Variants in ASPM observed in about 807,000 individuals in gnomAD.
ASPM encodes assembly factor for spindle microtubules, also known as abnormal spindle-like microcephaly-associated protein.
ASPM carries 256 observed loss-of-function variants against 366.4 expected under a neutral mutation model. The observed-to-expected ratio is 0.70, with a 90% CI of 0.63 to 0.77. The LOEUF (loss-of-function observed/expected upper bound fraction) is 0.77. Among genes scored for constraint, ASPM ranks in the 30% least tolerant of loss-of-function variants. The pLI, the probability that ASPM is intolerant of heterozygous loss-of-function variation, is 0.00. For missense variants in ASPM, 4,146 were observed against 4,090.4 expected, an observed-to-expected ratio of 1.01 and a Z score of -0.37; for synonymous variants, 1,414 against 1,342.9, an observed-to-expected ratio of 1.05 and a Z score of -1.16.
At chr1:197,122,940 G>A (rs117545277) in intron 13 of ASPM, among the ~76,000 whole-genome samples, 10 of 152,156 alleles carry the variant, frequency 6.6e-5, no homozygotes, top group East Asian at 3.9e-4. Flanking sequence ...GTGGATTCTC[G>A]TTATTTGTGA....
In ASPM at chr1:197,129,269, A is replaced by C. The variant is rs1658188055; in HGVS notation, c.2678T>G (p.Leu893Trp). Reference sequence around the variant, plus strand: ...TTTAGCATAATCAAGAAAACAGACCAACAACAATAACTTTTTCAATGTAAA... The same window carrying C: ...TTTAGCATAATCAAGAAAACAGACCCACAACAATAACTTTTTCAATGTAAA... ...SKFTLKKLLL[L>W]VCFLDYAKIS... The change falls in exon 9 of 28, where the codon TTG becomes TGG. Residue 893 changes from leucine to tryptophan, a missense_variant. Around this residue, in one of 3 missense-constraint regions of ASPM, gnomAD observed 3,624 missense variants for 3,591.7 expected, o/e 1.01. Coordinates refer to ENST00000367409, the MANE Select transcript of ASPM (RefSeq NM_018136.5). The C allele has an allele frequency of 6.2e-7, 1 of 1,612,992 alleles. No individual in the cohort carries two copies. Among genetic ancestry groups the C allele is most frequent in the East Asian group, 2.2e-5 (1 of 44,738 alleles).
chr1:197,100,785 T>C lies in ASPM; in HGVS notation c.8466A>G (p.Gln2822=). ...HSQSRAAVTI[Q]KAFCRMVTRK... ...TTGTGACCATTCTACAAAAAGCTTTTTGAATTGTTACTGCAGCCCTACTTT... is the reference window on the plus strand; with the variant it reads ...TTGTGACCATTCTACAAAAAGCTTTCTGAATTGTTACTGCAGCCCTACTTT... Residue 2822 remains glutamine, a synonymous_variant, in exon 18 of 28, where the codon CAA becomes CAG. Transcript: ENST00000367409. The C allele has an allele frequency of 6.2e-7, 1 of 1,612,562 alleles. No homozygotes were observed. The highest frequency in any genetic ancestry group is 1.1e-5 in the South Asian group (1 of 91,068).
Position 197,101,870 on chromosome 1 carries a change from C to T in ASPM, c.7381G>A (p.Ala2461Thr). 2 of 1,612,806 alleles carry T rather than the reference C, an allele frequency of 1.2e-6. No individual in the cohort carries two copies. Among genetic ancestry groups the T allele is most frequent in the Non-Finnish European group, 1.7e-6 (2 of 1,179,318 alleles). The change falls in exon 18 of 28, where the codon GCC (alanine) becomes ACC (threonine). Residue 2461 changes from alanine (A) to threonine (T), a missense_variant. Coordinates refer to ENST00000367409, the MANE Select transcript of ASPM (RefSeq NM_018136.5). ...CTGTAAGATGACTGTATTGTAATGG[C>T]TGCCTTTCTTAAGTGCAAGAATTGG... ...LYQFLHLRKA[A>T]ITIQSSYRRL...
chr1:197,119,309 C>T (rs147431720), intron 16 of ASPM, among the ~76,000 whole-genome samples: 2 of 152,156 alleles, frequency 1.3e-5, no homozygotes, highest in African/African-American at 4.8e-5. Context: ...ACTGTAGAGG[C>T]TCAAGTTAAA....
Position 197,117,900 on chromosome 1 carries a change from T to C in ASPM, c.3954A>G (p.Ala1318=). ...GCCAATATTTCTGAATGACGAGTGC[T>C]GCATTAACTCTTTTTCTCAATCTTT... ...AKQRLRKRVN[A]ALVIQKYWRR... is the part of the protein sequence containing the mutation. The change falls in exon 17 of 28, where the codon GCA becomes GCG. Residue 1318 remains alanine, a synonymous_variant. Coordinates refer to ENST00000367409, the MANE Select transcript of ASPM (RefSeq NM_018136.5). 6.2e-7 allele frequency: 1 copy of C among 1,613,474 alleles called. No individual in the cohort carries two copies. Among genetic ancestry groups the C allele is most frequent in the Non-Finnish European group, 8.5e-7 (1 of 1,179,510 alleles).
intron 6 of ASPM, among the ~76,000 whole-genome samples, chr1:197,133,007 A>G (rs916164051): frequency 6.6e-6 from 1 of 152,082 alleles, no homozygotes; most frequent in Non-Finnish European, 1.5e-5. Flanking sequence ...AAGGAGTATA[A>G]AGTCTCAGTT....
At chr1:197,117,288 G>A (rs1248180407) in intron 17 of ASPM, among the ~76,000 whole-genome samples, 9 of 151,910 alleles carry the variant, frequency 5.9e-5, no homozygotes, top group South Asian at 2.1e-4. Flanking sequence ...TTACATAGAT[G>A]TAAAGACTAT....
At chr1:197,118,919 C>T (rs117836331) in intron 16 of ASPM, among the ~76,000 whole-genome samples, 1 of 152,224 alleles carries the variant, frequency 6.6e-6, no homozygotes, top group East Asian at 1.9e-4. Flanking sequence ...GAAGGAATAA[C>T]TTATGGCAGG....
Position 197,101,758 on chromosome 1 carries a change from A to G in ASPM, c.7493T>C (p.Ile2498Thr), listed in dbSNP as rs772861237. ...AGCATGTTTCCAAGTCTGAAATGTA[A>G]TATATGTTCTGTACATCCTGAAAGT... ...QATFRMYRTY[I>T]TFQTWKHASI... is the part of the protein sequence containing the mutation. Residue 2498 changes from isoleucine to threonine, a missense_variant, in exon 18 of 28, where the codon ATT becomes ACT. By Grantham distance (89) the Ile-to-Thr change is moderately conservative. Coordinates refer to ENST00000367409, the MANE Select transcript of ASPM (RefSeq NM_018136.5). 6.2e-7 allele frequency: 1 copy of G among 1,612,326 alleles called. No individual in the cohort carries two copies. The highest frequency in any genetic ancestry group is 1.1e-5 in the South Asian group (1 of 91,042).
chr1:197,084,942 T>C (rs1471382551), intron 27 of ASPM, among the ~76,000 whole-genome samples: 1 of 152,186 alleles, frequency 6.6e-6, no homozygotes, highest in Non-Finnish European at 1.5e-5. Context: ...GATTCATCCA[T>C]GTCATATGCT....
intron 7 of ASPM, among the ~76,000 whole-genome samples, chr1:197,132,055 T>C (rs1658270729): frequency 6.6e-6 from 1 of 152,188 alleles, no homozygotes; most frequent in African/African-American, 2.4e-5. Context: ...AAAGAGACTG[T>C]ACAGTAAAAT....
At chr1:197,100,396 TCA>T in intron 18 of ASPM, 33 bp downstream of exon 18, 9 of 1,319,104 alleles carry the variant, frequency 6.8e-6, no homozygotes, top group Non-Finnish European at 9.3e-6. Flanking sequence ...AAAGAAAGAC[TCA>T]CAGTTTTATA....
At chr1:197,133,312 T>C (rs1319456632) in intron 6 of ASPM, 38 bp downstream of exon 6, 6 of 1,578,244 alleles carry the variant, frequency 3.8e-6, no homozygotes, top group Non-Finnish European at 4.3e-6. Flanking sequence ...TTGAATGTTT[T>C]TAAAGAATTA....
chr1:197,133,670 G>A (rs1390415140), intron 5 of ASPM, 75 bp from the exon 6 acceptor site: 1 of 1,527,750 alleles, frequency 6.5e-7, no homozygotes, highest in African/African-American at 1.4e-5. Context: ...GCAATAAAAT[G>A]CAATTTCAGA....
At chr1:197,092,825 G>T (rs1266329367) in intron 21 of ASPM, among the ~76,000 whole-genome samples, 1 of 151,834 alleles carries the variant, frequency 6.6e-6, no homozygotes, top group East Asian at 1.9e-4. Flanking sequence ...ATTTTATTTT[G>T]CGTCTTTGGT....
At position 197,103,429 on chromosome 1, in the gene ASPM, C is replaced by T. The variant is rs1657274315; in HGVS notation, c.5822G>A (p.Cys1941Tyr). ...FRAWTAGRKQ[C>Y]MEYIELRHAV... The stretch of plus-strand genomic sequence containing the variant: ...ATGACGGAGTTCAATATACTCCATA[C>T]ATTGCTTCCTTCCTGCAGTCCATGC... The change falls in exon 18 of 28, where the codon TGT becomes TAT. Residue 1941 changes from cysteine (C) to tyrosine (Y), a missense_variant. By Grantham distance (194) the Cys-to-Tyr change is radical. Coordinates refer to ENST00000367409, the MANE Select transcript of ASPM (RefSeq NM_018136.5). 6.2e-7 allele frequency: 1 copy of T among 1,613,178 alleles called. No individual in the cohort carries two copies. Among genetic ancestry groups the T allele is most frequent in the African/African-American group, 1.3e-5 (1 of 74,822 alleles).
At chr1:197,086,748 TTAAA>T in intron 27 of ASPM, 51 bp downstream of exon 27, 1 of 1,426,210 alleles carries the variant, frequency 7.0e-7, no homozygotes, top group Admixed American at 1.7e-5. Context: ...TAAATATTTG[TTAAA>T]TGAATGAATG....
In ASPM at chr1:197,101,152, C is replaced by A. The variant is rs757182094; in HGVS notation, c.8099G>T (p.Arg2700Leu). Residue 2700 changes from arginine (R) to leucine (L), a missense_variant, in exon 18 of 28, where the codon CGA (arginine) becomes CTA (leucine). By Grantham distance (102) the Arg-to-Leu change is moderately radical (BLOSUM62 -2). Coordinates refer to ENST00000367409, the MANE Select transcript of ASPM (RefSeq NM_018136.5). ...RAATLIQSFY[R>L]MHRAKVDYET... The stretch of plus-strand genomic sequence containing the variant: ...ATAATCAACTTTGGCCCTGTGCATT[C>A]GATAGAATGACTGAATTAGTGTGGC... The A allele has an allele frequency of 6.8e-6, 11 of 1,612,188 alleles. No individual in the cohort carries two copies. Among genetic ancestry groups the A allele is most frequent in the African/African-American group, 1.3e-5 (1 of 74,776 alleles).
chr1:197,143,937 C>T lies in ASPM; in HGVS notation c.441+20G>A, dbSNP rs779037189. On this transcript the variant is annotated intron_variant, in intron 2 of 27. Coordinates refer to ENST00000367409, the MANE Select transcript of ASPM (RefSeq NM_018136.5). ...TTAAACAATTTCTTAGAGTAAATCA[C>T]AGAATGGTTAAAACATTACCTTTTT... 1.2e-5 allele frequency: 19 copies of T among 1,588,858 alleles called. No individual in the cohort carries two copies. The highest frequency in any genetic ancestry group is 1.6e-5 in the Non-Finnish European group (18 of 1,158,480).
Sources: gnomAD v4.1 joint callset for allele counts (sites outside exome capture counted in the v4.1 genomes callset) on GRCh38, gnomAD v4.1.1 for gene constraint, gnomAD v4.1.1 regional missense constraint, MANE v1.5 for transcripts, NCBI Gene and HGNC (gene_info 2026-07-23, HGNC 2026-07-21) for gene names.